The following HHIP variants were observed in gnomAD, a reference collection of about 807,000 sequenced individuals.
HHIP encodes the protein hedgehog-interacting protein.
Under a neutral mutation model 74.0 loss-of-function variants are expected in HHIP, and 12 were observed. That is an observed-to-expected ratio of 0.16 (90% CI 0.10 to 0.26). The LOEUF (loss-of-function observed/expected upper bound fraction) is 0.26. Among genes scored for constraint, HHIP ranks in the 10% least tolerant of loss-of-function variants. The pLI, the probability that HHIP is intolerant of heterozygous loss-of-function variation, is 1.00. For missense variants in HHIP, 788 were observed against 845.0 expected, an observed-to-expected ratio of 0.93 and a Z score of 0.84; for synonymous variants, 309 against 311.6, an observed-to-expected ratio of 0.99 and a Z score of 0.09.
Position 144,646,882 on chromosome 4 carries a change from C to T in HHIP, c.207C>T (p.Cys69=), listed in dbSNP as rs200359445. 4 of 1,614,028 alleles carry T rather than the reference C, an allele frequency of 2.5e-6. No individual in the cohort carries two copies. Among genetic ancestry groups the T allele is most frequent in the Non-Finnish European group, 3.4e-6 (4 of 1,180,006 alleles). The change falls in exon 1 of 13, where the codon TGC becomes TGT. Residue 69 remains cysteine (C), a synonymous_variant. Coordinates refer to ENST00000296575, the MANE Select transcript of HHIP (RefSeq NM_022475.3). ...TGCTGAGTGGGGGAGAGATGCTGTG[C>T]GGTGGCTTCTACCCTCGGCTGTCCT... is the stretch of plus-strand genomic sequence containing the variant. ...LELLSGGEML[C]GGFYPRLSCC...
At chr4:144,684,514 C>T (rs1456057182) in intron 4 of HHIP, among the ~76,000 whole-genome samples, 1 of 151,594 alleles carries the variant, frequency 6.6e-6, no homozygotes. Context: ...CTCCCGACCT[C>T]GTGATCCGCC....
chr4:144,734,637 C>A, intron 11 of HHIP, 104 bp from the exon 12 acceptor site: 1 of 892,758 alleles, frequency 1.1e-6, no homozygotes, highest in Non-Finnish European at 1.6e-6. Context: ...AAAAGTCTCT[C>A]TAGAAAGTAA....
At chr4:144,685,537 T>A (rs551984525) in intron 4 of HHIP, 1 of 152,236 alleles carries the variant, frequency 6.6e-6, no homozygotes, top group Non-Finnish European at 1.5e-5. Flanking sequence ...GGAGTTAGTA[T>A]CTTATGCCTG....
chr4:144,714,110 T>G, intron 8 of HHIP, 115 bp from the exon 9 acceptor site: 2 of 842,430 alleles, frequency 2.4e-6, no homozygotes, highest in Non-Finnish European at 3.8e-6. Context: ...AACCCTTTGG[T>G]GTATCATAGA....
chr4:144,738,308 T>C lies in HHIP; in HGVS notation c.*351T>C. 1 of 981,976 alleles carries C rather than the reference T, an allele frequency of 1.0e-6. No individual in the cohort carries two copies. Among genetic ancestry groups the C allele is most frequent in the Non-Finnish European group, 1.2e-6 (1 of 825,594 alleles). The allele number at this position is 981,976 out of a possible 1,614,324, so 60.8% of individuals were successfully genotyped here. A position where few individuals can be genotyped will look rare whatever the true frequency, so the allele number is the denominator to read the frequency against. ...TTTGACTTCCCAGGAATTTTCTGTC[T>C]GTAATCACTAAAGTCAACTTTAATA... On this transcript the variant is annotated 3_prime_UTR_variant, in exon 13 of 13. Coordinates refer to ENST00000296575, the MANE Select transcript of HHIP (RefSeq NM_022475.3).
chr4:144,654,785 G>T (rs1382647596), intron 2 of HHIP: 2 of 152,094 alleles, frequency 1.3e-5, no homozygotes, highest in African/African-American at 2.4e-5. Context: ...TAATGATATG[G>T]TTCACTTTCC....
Position 144,739,773 on chromosome 4 carries a change from G to A in HHIP, c.*1816G>A, listed in dbSNP as rs1578736570. On this transcript the variant is annotated 3_prime_UTR_variant, in exon 13 of 13. Transcript: ENST00000296575. ...GACAGTCTATTCAAAGAAGTCTCAG[G>A]ATTAAATGAGCATGGAGACCAAATT... 6.6e-6 allele frequency: 1 copy of A among 152,172 alleles called. No individual in the cohort carries two copies. Among genetic ancestry groups the A allele is most frequent in the African/African-American group, 2.4e-5 (1 of 41,428 alleles). 9.4% of individuals were successfully genotyped at this position (152,172 alleles called of 1,614,324 possible).
intron 4 of HHIP, among the ~76,000 whole-genome samples, chr4:144,672,603 C>CTGAGTGAGA (rs1472975025): frequency 2.0e-5 from 3 of 152,084 alleles, no homozygotes; most frequent in African/African-American, 7.2e-5. Context: ...GGCTTCTATA[C>CTGAGTGAGA]TGAGTGAGAT....
chr4:144,649,419 T>A (rs1033144544), intron 1 of HHIP, among the ~76,000 whole-genome samples: 7 of 152,184 alleles, frequency 4.6e-5, no homozygotes, highest in African/African-American at 1.4e-4. Flanking sequence ...TGAACTAGAA[T>A]TGAGTTCAAT....
intron 4 of HHIP, among the ~76,000 whole-genome samples, chr4:144,669,618 T>C (rs1389233696): frequency 6.6e-6 from 1 of 152,036 alleles, no homozygotes; most frequent in Non-Finnish European, 1.5e-5. Flanking sequence ...CTCTATGTAG[T>C]AGAGTAACAA....
At chr4:144,654,665 C>T (rs540357603) in intron 2 of HHIP, among the ~76,000 whole-genome samples, 2 of 152,258 alleles carry the variant, frequency 1.3e-5, no homozygotes, top group Admixed American at 6.5e-5. Flanking sequence ...CTAATCCCCA[C>T]CCTTCCCTGC....
intron 1 of HHIP, chr4:144,648,749 A>G (rs746282883): frequency 6.6e-6 from 1 of 152,202 alleles, no homozygotes; most frequent in Non-Finnish European, 1.5e-5. Flanking sequence ...TTTGTTCTTG[A>G]CTAAATGGTG....
chr4:144,703,366 A>G (rs1197751769), intron 4 of HHIP, among the ~76,000 whole-genome samples: 10 of 152,174 alleles, frequency 6.6e-5, no homozygotes, highest in Admixed American at 6.5e-4. Context: ...TCAAGAATAA[A>G]ATAAAAACTC....
In HHIP at chr4:144,737,976, T is replaced by A. The variant is rs201935061; in HGVS notation, c.*19T>A. The A allele has an allele frequency of 6.6e-7, 1 of 1,516,736 alleles. No homozygotes were observed. The highest frequency in any genetic ancestry group is 1.4e-5 in the African/African-American group (1 of 71,796). The allele number at this position is 1,516,736 out of a possible 1,614,324, so 94.0% of individuals were successfully genotyped here. On this transcript the variant is annotated 3_prime_UTR_variant, in exon 13 of 13. Coordinates refer to ENST00000296575, the MANE Select transcript of HHIP (RefSeq NM_022475.3). The stretch of plus-strand genomic sequence containing the variant: ...TGTATAGTTTCTGGGACTGTTTGAA[T>A]ATTCTATTCCAATGGGCATTTATTT...
At chr4:144,675,450 A>G (rs1188102719) in intron 4 of HHIP, among the ~76,000 whole-genome samples, 1 of 152,048 alleles carries the variant, frequency 6.6e-6, no homozygotes, top group East Asian at 1.9e-4. Flanking sequence ...AGGAATTTAG[A>G]TTCAGTTTTG....
chr4:144,720,755 A>C (rs549433749), intron 11 of HHIP, among the ~76,000 whole-genome samples: 3 of 152,284 alleles, frequency 2.0e-5, no homozygotes, highest in African/African-American at 7.2e-5. Flanking sequence ...TTGTACACAG[A>C]CATGAGCATA....
intron 6 of HHIP, 90 bp downstream of exon 6, chr4:144,707,350 T>A (rs1036510967): frequency 1.9e-5 from 20 of 1,051,092 alleles, no homozygotes; most frequent in Non-Finnish European, 2.8e-5. Flanking sequence ...TTAAGAACCA[T>A]CTTTGAATGG....
At chr4:144,727,036 G>A (rs1354411178) in intron 11 of HHIP, among the ~76,000 whole-genome samples, 1 of 152,186 alleles carries the variant, frequency 6.6e-6, no homozygotes, top group Non-Finnish European at 1.5e-5. Flanking sequence ...AGATCTTGAG[G>A]GGTCTGCCCC....
chr4:144,720,521 A>C (rs1298825719), intron 11 of HHIP, among the ~76,000 whole-genome samples: 2 of 152,038 alleles, frequency 1.3e-5, no homozygotes, highest in Non-Finnish European at 2.9e-5. Flanking sequence ...TTACACCTTC[A>C]ATCTATTATT....
Sources: gnomAD v4.1 joint callset for allele counts (sites outside exome capture counted in the v4.1 genomes callset) on GRCh38, gnomAD v4.1.1 for gene constraint, MANE v1.5 for transcripts, NCBI Gene and HGNC (gene_info 2026-07-23, HGNC 2026-07-21) for gene names.